The following PANK4 variants were observed in gnomAD, a reference collection of about 807,000 sequenced individuals.
PANK4 encodes the protein 4'-phosphopantetheine phosphatase.
Under a neutral mutation model 87.9 loss-of-function variants are expected in PANK4, and 40 were observed. The ratio of observed to expected loss-of-function variants is 0.46; its 90% CI spans 0.35 to 0.59. PANK4 has a LOEUF of 0.59. Ranked by LOEUF, PANK4 falls within the 20% of genes least tolerant of loss-of-function variation. PANK4 has a pLI of 0.00. For synonymous variants in PANK4, 524 were observed against 467.4 expected (o/e 1.12, Z -1.56); for missense variants, 926 against 1,072.3 (o/e 0.86, Z 1.90).
chr1:2,513,184 TCGGTCC>T, intron 12 of PANK4, 145 bp from the exon 13 acceptor site: 1 of 842,184 alleles, frequency 1.2e-6, no homozygotes, highest in East Asian at 2.7e-5. Context: ...CACAAGCCTA[TCGGTCC>T]GGGACAGTGG....
rs368755191 is a variant in PANK4 at position 2,519,064 on chromosome 1, G to A, written c.1035+79C>T. 16 of 1,341,456 alleles carry A rather than the reference G, an allele frequency of 1.2e-5. No homozygotes were observed. Among genetic ancestry groups the A allele is most frequent in the East Asian group, 1.2e-4 (5 of 43,072 alleles). The allele number at this position is 1,341,456 out of a possible 1,614,324, so 83.1% of individuals were successfully genotyped here. On this transcript the variant is annotated intron_variant, in intron 7 of 18. Coordinates refer to ENST00000378466, the MANE Select transcript of PANK4 (RefSeq NM_018216.4). The surrounding 1 kb of genome is among the most constrained non-coding windows in gnomAD (Gnocchi z 8.3). Reference sequence around the variant, plus strand: ...CTCCAGGCCTCCCTGGGGGTGCTGCGGTGTCTAACCAGCATGACTGATTGG... The same window carrying A: ...CTCCAGGCCTCCCTGGGGGTGCTGCAGTGTCTAACCAGCATGACTGATTGG...
rs771626928 is a variant in PANK4, at chr1:2,514,077, G to A, written c.1500C>T (p.Thr500=). 4 of 1,612,388 alleles carry A rather than the reference G, an allele frequency of 2.5e-6. No homozygotes were observed. In the South Asian group the frequency reaches 3.3e-5, roughly 13 times the overall value. The change falls in exon 12 of 19, where the codon ACC becomes ACT. Residue 500 remains threonine (T), a synonymous_variant. Transcript: ENST00000378466. The part of the protein sequence containing the change: ...TLRQQPFAYG[T]LTVRSLLDTR... Reference sequence around the variant, plus strand: ...TGTCCAGCAGGCTGCGCACGGTCAGGGTCCCATAGGCGCTGGGGACAGACA... The same window carrying A: ...TGTCCAGCAGGCTGCGCACGGTCAGAGTCCCATAGGCGCTGGGGACAGACA...
At position 2,520,795 on chromosome 1, in the gene PANK4, C is replaced by T. The variant is rs1175506498; in HGVS notation, c.534G>A (p.Arg178=). Residue 178 remains arginine (R), a synonymous_variant, in exon 4 of 19, where the codon CGG becomes CGA. Coordinates refer to ENST00000378466, the MANE Select transcript of PANK4 (RefSeq NM_018216.4). This position sits in a 1 kb window ranked among gnomAD's most constrained non-coding sequence, Gnocchi z 6.2. ...AAATGTGGGGGTGGTTGGTCTGGAA[C>T]CGGAACTCAGGGTCGGAATCCTTCT... ...VYQKDSDPEF[R]FQTNHPHIFP... 1.9e-6 allele frequency: 3 copies of T among 1,612,842 alleles called. No individual in the cohort carries two copies. Among genetic ancestry groups the T allele is most frequent in the Non-Finnish European group, 2.5e-6 (3 of 1,179,560 alleles).
chr1:2,520,450 G>A lies in PANK4; in HGVS notation c.607-36C>T, dbSNP rs1328515708. On this transcript the variant is annotated intron_variant, in intron 4 of 18. Coordinates refer to ENST00000378466, the MANE Select transcript of PANK4 (RefSeq NM_018216.4). This position sits in a 1 kb window ranked among gnomAD's most constrained non-coding sequence, Gnocchi z 6.2. The stretch of plus-strand genomic sequence containing the variant: ...GCCAGGGCAGGTGTGCCCTCAGTGG[G>A]CCCTCAGCCACACAGGCTCCCCCGC... 3 of 1,571,110 alleles carry A rather than the reference G, an allele frequency of 1.9e-6. No homozygotes were observed. Among genetic ancestry groups the A allele is most frequent in the African/African-American group, 1.3e-5 (1 of 74,154 alleles).
chr1:2,517,488 C>T (rs373435084), intron 9 of PANK4, among the ~76,000 whole-genome samples: 9 of 152,352 alleles, frequency 5.9e-5, no homozygotes, highest in South Asian at 2.1e-4. Context: ...GAATGAGCCC[C>T]GCGGGGGGGC....
At position 2,515,477 on chromosome 1, in the gene PANK4, G is replaced by A. The variant is rs1406708067; in HGVS notation, c.1374+85C>T. On this transcript the variant is annotated intron_variant, in intron 10 of 18. Coordinates refer to ENST00000378466, the MANE Select transcript of PANK4 (RefSeq NM_018216.4). This position sits in a 1 kb window ranked among gnomAD's most constrained non-coding sequence, Gnocchi z 5.0. ...GGACAACACTGGCCTGTCCCCCTTC[G>A]CCACCTTGGCTTTGCCCCCGGAGCC... 8.3e-6 allele frequency: 12 copies of A among 1,439,632 alleles called. No individual in the cohort carries two copies. Among genetic ancestry groups the A allele is most frequent in the South Asian group, 2.3e-5 (2 of 87,566 alleles). 89.2% of individuals were successfully genotyped at this position (1,439,632 alleles called of 1,614,324 possible).
At chr1:2,522,546 T>C (rs1643883471) in intron 1 of PANK4, among the ~76,000 whole-genome samples, 1 of 152,142 alleles carries the variant, frequency 6.6e-6, no homozygotes, top group Non-Finnish European at 1.5e-5. Flanking sequence ...AAAAGATTCT[T>C]GAAGAAGGCC....
intron 9 of PANK4, among the ~76,000 whole-genome samples, chr1:2,517,668 G>A (rs1643806183): frequency 6.6e-6 from 1 of 152,234 alleles, no homozygotes; most frequent in Non-Finnish European, 1.5e-5. Context: ...CCCAGCTCAG[G>A]CCAGGGCAAA....
At chr1:2,511,757 C>T in intron 13 of PANK4, 74 bp from the exon 14 acceptor site, 1 of 870,442 alleles carries the variant, frequency 1.1e-6, no homozygotes, top group Non-Finnish European at 1.9e-6. Flanking sequence ...AATGTGAAGA[C>T]CCCAAATCCC....
chr1:2,514,416 C>T lies in PANK4; in HGVS notation c.1425G>A (p.Glu475=), dbSNP rs758801793. ...ASQPDSVDAA[E]RAEKFRQKYW... ...ACTTCTGCCGGAACTTCTCCGCCCTCTCGGCTGCATCCACAGAGTCTGGCT... is the reference window on the plus strand; with the variant it reads ...ACTTCTGCCGGAACTTCTCCGCCCTTTCGGCTGCATCCACAGAGTCTGGCT... The change falls in exon 11 of 19, where the codon GAG becomes GAA. Residue 475 remains glutamate (E), a synonymous_variant. Coordinates refer to ENST00000378466, the MANE Select transcript of PANK4 (RefSeq NM_018216.4). 3 of 1,612,328 alleles carry T rather than the reference C, an allele frequency of 1.9e-6. No homozygotes were observed. Among genetic ancestry groups the T allele is most frequent in the African/African-American group, 1.3e-5 (1 of 75,014 alleles).
In PANK4 at chr1:2,526,394, C is replaced by A. The variant is rs1409029740; in HGVS notation, c.124+70G>T. ...CGCCCTTCGTCCTTCCCGCCGCCCC[C>A]GCTCGCCGGCCCACCGCCGGCGCCC... On this transcript the variant is annotated intron_variant, in intron 1 of 18. Coordinates refer to ENST00000378466, the MANE Select transcript of PANK4 (RefSeq NM_018216.4). 15 of 915,564 alleles carry A rather than the reference C, an allele frequency of 1.6e-5. No homozygotes were observed. In the South Asian group the frequency reaches 4.4e-4, roughly 27 times the overall value. 56.7% of individuals were successfully genotyped at this position (915,564 alleles called of 1,614,324 possible). A position where few individuals can be genotyped will look rare whatever the true frequency, so the allele number is the denominator to read the frequency against.
rs1643867848 is a variant in PANK4 at position 2,520,718 on chromosome 1, C to A, written c.606+5G>T. The stretch of plus-strand genomic sequence containing the variant: ...CACTCATTCATTCATGAAGCCGGGT[C>A]TTACCTTCACGATGGAGACTCCAGA... On this transcript the variant is annotated splice_donor_5th_base_variant and intron_variant, in intron 4 of 18. Transcript: ENST00000378466. This position sits in a 1 kb window ranked among gnomAD's most constrained non-coding sequence, Gnocchi z 6.2. The A allele has an allele frequency of 6.2e-7, 1 of 1,611,344 alleles. No individual in the cohort carries two copies. Among genetic ancestry groups the A allele is most frequent in the East Asian group, 2.2e-5 (1 of 44,868 alleles).
At chr1:2,524,692 G>A (rs1389392554) in intron 1 of PANK4, among the ~76,000 whole-genome samples, 1 of 152,214 alleles carries the variant, frequency 6.6e-6, no homozygotes, top group Non-Finnish European at 1.5e-5. Context: ...CATCCACGGT[G>A]AGCCCTGTTC....
Position 2,519,803 on chromosome 1 carries a change from T to C in PANK4, c.851A>G (p.Gln284Arg), listed in dbSNP as rs1416215956. Residue 284 changes from glutamine to arginine, a missense_variant and splice_region_variant, in exon 6 of 19, where the codon CAA (glutamine) becomes CGA (arginine). Transcript: ENST00000378466. The surrounding 1 kb of genome is among the most constrained non-coding windows in gnomAD (Gnocchi z 8.3). Reference protein sequence around the residue: ...SSFGKSATADQEFSKEDMAKS... With the variant: ...SSFGKSATADREFSKEDMAKS... ...GCGGCAGAGGCCGGGGTGAGCACCT[T>C]GGTCGGCGGTGGCCGACTTCCCGAA... 1.3e-6 allele frequency: 2 copies of C among 1,576,156 alleles called. No individual in the cohort carries two copies. Among genetic ancestry groups the C allele is most frequent in the Non-Finnish European group, 1.7e-6 (2 of 1,162,354 alleles).
rs564909881 is a variant in PANK4, at chr1:2,515,765, C to A, written c.1219-48G>T. 1.9e-6 allele frequency: 3 copies of A among 1,553,420 alleles called. No individual in the cohort carries two copies. The highest frequency in any genetic ancestry group is 2.6e-6 in the Non-Finnish European group (3 of 1,137,668). On this transcript the variant is annotated intron_variant, in intron 9 of 18. Transcript: ENST00000378466. This position sits in a 1 kb window ranked among gnomAD's most constrained non-coding sequence, Gnocchi z 5.0. ...GTGGAAACGTCACCATGGTTCAGAA[C>A]GACCCAAGCCACACTCAGAAGCTTC...
At chr1:2,523,088 T>C (rs1203481208) in intron 1 of PANK4, among the ~76,000 whole-genome samples, 1 of 152,238 alleles carries the variant, frequency 6.6e-6, no homozygotes, top group Non-Finnish European at 1.5e-5. Flanking sequence ...TTTCAAATTA[T>C]TGTTTTTTGA....
chr1:2,510,226 G>T lies in PANK4; in HGVS notation c.1939-69C>A. Reference sequence around the variant, plus strand: ...CAGCATGGAGCCTGCGTGCACCCCGGCCTTCGAGTGGCTGGGCTGGGTGAG... The same window carrying T: ...CAGCATGGAGCCTGCGTGCACCCCGTCCTTCGAGTGGCTGGGCTGGGTGAG... On this transcript the variant is annotated intron_variant, in intron 16 of 18. Transcript: ENST00000378466. The surrounding 1 kb of genome is among the most constrained non-coding windows in gnomAD (Gnocchi z 4.9). 1 of 1,016,552 alleles carries T rather than the reference G, an allele frequency of 9.8e-7. No individual in the cohort carries two copies. The highest frequency in any genetic ancestry group is 1.5e-6 in the Non-Finnish European group (1 of 661,576). 63.0% of individuals were successfully genotyped at this position (1,016,552 alleles called of 1,614,324 possible). A position where few individuals can be genotyped will look rare whatever the true frequency, so the allele number is the denominator to read the frequency against.
intron 9 of PANK4, among the ~76,000 whole-genome samples, chr1:2,516,135 C>T (rs920908745): frequency 2.6e-5 from 4 of 152,206 alleles, no homozygotes; most frequent in Non-Finnish European, 5.9e-5. Flanking sequence ...TGCAGTCACA[C>T]TGTTCCCACC....
Position 2,520,959 on chromosome 1 carries a change from CCA to C in PANK4, c.423-55_423-54del. ...GAGTCTGGGCCACAGACAGGTGCAA[CCA>C]TGCAAGCCTGCCTGGTCCGAAGGGG... On this transcript the variant is annotated intron_variant, in intron 3 of 18. Transcript: ENST00000378466. This position sits in a 1 kb window ranked among gnomAD's most constrained non-coding sequence, Gnocchi z 6.2. 6.5e-7 allele frequency: 1 copy of C among 1,530,062 alleles called. No homozygotes were observed. Among genetic ancestry groups the C allele is most frequent in the East Asian group, 2.3e-5 (1 of 44,170 alleles). The allele number at this position is 1,530,062 out of a possible 1,614,324, so 94.8% of individuals were successfully genotyped here.
Sources: allele counts gnomAD v4.1 joint callset (sites outside exome capture counted in the v4.1 genomes callset), GRCh38; gene constraint gnomAD v4.1.1; non-coding constraint Gnocchi (gnomAD v3.1); transcripts MANE v1.5; gene names NCBI Gene and HGNC (gene_info 2026-07-23, HGNC 2026-07-21).